COL1A2: variants seen among roughly 807,000 people sequenced by gnomAD.
COL1A2 encodes collagen type I alpha 2 chain.
Under a neutral mutation model 174.3 loss-of-function variants are expected in COL1A2, and 49 were observed. That is an observed-to-expected ratio of 0.28 (90% CI 0.22 to 0.36). The LOEUF (loss-of-function observed/expected upper bound fraction) is 0.36. COL1A2 is among the 10% of genes least tolerant of loss of function. COL1A2 has a pLI of 1.00. For missense variants in COL1A2, 1,438 were observed against 1,822.7 expected (o/e 0.79, Z 3.84); for synonymous variants, 655 against 606.6 (o/e 1.08, Z -1.17).
At chr7:94,424,280 C>T (rs1463335791) in intron 40 of COL1A2, 56 bp from the exon 41 acceptor site, 2 of 1,447,200 alleles carry the variant, frequency 1.4e-6, no homozygotes, top group Admixed American at 1.7e-5. Context: ...TTCAAGCCAA[C>T]CTGTGTTATC....
At chr7:94,422,111 A>C in intron 39 of COL1A2, 159 bp downstream of exon 39, 1 of 568,128 alleles carries the variant, frequency 1.8e-6, no homozygotes. Flanking sequence ...AAGGTATTTC[A>C]TCACAAGTTA....
At chr7:94,417,645 A>C (rs573873592) in intron 31 of COL1A2, 79 bp from the exon 32 acceptor site, 13 of 1,265,134 alleles carry the variant, frequency 1.0e-5, no homozygotes, top group African/African-American at 5.9e-5. Flanking sequence ...TAGCTGTTTA[A>C]ATTGGAATTC....
intron 19 of COL1A2, 119 bp from the exon 20 acceptor site, chr7:94,410,123 A>G (rs1373931524): frequency 2.0e-6 from 2 of 1,019,456 alleles, no homozygotes; most frequent in East Asian, 5.0e-5. Context: ...AACAGGGTAC[A>G]TTTCCTAGAG....
intron 1 of COL1A2, among the ~76,000 whole-genome samples, chr7:94,396,580 T>C (rs557588905): frequency 6.6e-6 from 1 of 152,240 alleles, no homozygotes; most frequent in Non-Finnish European, 1.5e-5. Flanking sequence ...CTGGAATAAA[T>C]GTTATCAAAC....
At chr7:94,426,774 A>G (rs976714541) in intron 46 of COL1A2, 3 of 625,270 alleles carry the variant, frequency 4.8e-6, no homozygotes, top group Non-Finnish European at 8.4e-6. Context: ...CTTCAACCCC[A>G]CTTAAAATAA....
chr7:94,400,706 G>C (rs563089901), intron 5 of COL1A2, among the ~76,000 whole-genome samples: 2 of 152,194 alleles, frequency 1.3e-5, no homozygotes, highest in African/African-American at 4.8e-5. Flanking sequence ...CATTCAAAGC[G>C]GTTTTAGGTT....
chr7:94,416,101 T>C (rs771646269), intron 30 of COL1A2, among the ~76,000 whole-genome samples: 1 of 152,170 alleles, frequency 6.6e-6, no homozygotes, highest in Non-Finnish European at 1.5e-5. Flanking sequence ...TTTTTACCTA[T>C]GGATTTATCA....
Position 94,421,488 on chromosome 7 carries a change from T to C in COL1A2, c.2350-411T>C, listed in dbSNP as rs990145988. On this transcript the variant is annotated intron_variant, in intron 38 of 51. Transcript: ENST00000297268. ...CTGAATTATCTAGGTCATTTGTTAT[T>C]CTTTTGTCCATGAACACCATTACCT... 1.9e-5 allele frequency: 7 copies of C among 361,054 alleles called. No homozygotes were observed. In the Admixed American group the frequency reaches 2.1e-4, roughly 11 times the overall value. 22.4% of individuals were successfully genotyped at this position (361,054 alleles called of 1,614,324 possible).
In COL1A2 at chr7:94,419,106, C is replaced by T. The variant is rs1183542044; in HGVS notation, c.2026-392C>T. On this transcript the variant is annotated intron_variant, in intron 33 of 51. Transcript: ENST00000297268. ...CACAGTCGGCCTGGATTCCTTTATT[C>T]ACCTCTCCTTCAGAGCTGAAAACTG... 2.0e-5 allele frequency among the ~76,000 whole-genome samples: 3 copies of T among 149,212 alleles called. No individual in the cohort carries two copies. The Admixed American group carries it at 2.0e-4, about 10-fold the overall frequency.
rs1484525673 is a variant in COL1A2 at position 94,409,012 on chromosome 7, G to T, written c.792+189G>T. On this transcript the variant is annotated intron_variant, in intron 16 of 51. Coordinates refer to ENST00000297268, the MANE Select transcript of COL1A2 (RefSeq NM_000089.4). ...TTGAAATAGATCATTTCTCTGCACT[G>T]TGCACTGTGCCCATCGATATAGATG... 2.0e-5 allele frequency among the ~76,000 whole-genome samples: 3 copies of T among 152,074 alleles called. No homozygotes were observed. The East Asian group carries it at 5.8e-4, about 29-fold the overall frequency.
intron 10 of COL1A2, 83 bp downstream of exon 10, chr7:94,405,335 A>G: frequency 3.0e-6 from 4 of 1,318,950 alleles, no homozygotes; most frequent in Middle Eastern, 1.8e-4. Context: ...TCTAAATGAC[A>G]ACATAGATGT....
chr7:94,403,800 C>T (rs420257), intron 6 of COL1A2, among the ~76,000 whole-genome samples: 114,833 of 152,026 alleles, frequency 0.76, 44,080 homozygotes, highest in East Asian at 0.9. Context: ...TACACAGGCA[C>T]TGATTACTGC....
At position 94,404,864 on chromosome 7, in the gene COL1A2, C is replaced by T; in HGVS notation, c.404C>T (p.Ala135Val). Residue 135 changes from alanine to valine, a missense_variant, in exon 9 of 52, where the codon GCT (alanine) becomes GTT (valine). By Grantham distance (64) the Ala-to-Val change is moderately conservative. Around this residue, in one of 3 missense-constraint regions of COL1A2, gnomAD observed 281 missense variants for 310.9 expected, o/e 0.90. Transcript: ENST00000297268. ...GGTCCTGCAGGTGCTCGTGGTCCAG[C>T]TGGCCCTCCTGGCAAGGCTGGTGAA... ...QTGPAGARGP[A>V]GPPGKAGEDG... is the part of the protein sequence containing the mutation. 1.2e-6 allele frequency: 2 copies of T among 1,614,096 alleles called. No individual in the cohort carries two copies. The highest frequency in any genetic ancestry group is 1.7e-6 in the Non-Finnish European group (2 of 1,180,004).
chr7:94,396,169 C>G (rs1791578676), intron 1 of COL1A2, among the ~76,000 whole-genome samples: 1 of 152,166 alleles, frequency 6.6e-6, no homozygotes, highest in African/African-American at 2.4e-5. Context: ...CCGTTTTCAT[C>G]TTGAAAATGG....
chr7:94,395,386 G>A (rs955724793), intron 1 of COL1A2, among the ~76,000 whole-genome samples: 2 of 152,192 alleles, frequency 1.3e-5, no homozygotes, highest in Non-Finnish European at 2.9e-5. Context: ...GGGAGCGGAA[G>A]GTCTTTTTCC....
rs774867642 is a variant in COL1A2, at chr7:94,428,514, T to C, written c.3711+37T>C. Reference sequence around the variant, plus strand: ...CACAAACACCTCTCCTTCTGCTAAATAATATTTTGGTAGGACTGTTTGTTA... The same window carrying C: ...CACAAACACCTCTCCTTCTGCTAAACAATATTTTGGTAGGACTGTTTGTTA... On this transcript the variant is annotated intron_variant, in intron 50 of 51. Transcript: ENST00000297268. 3.8e-6 allele frequency: 6 copies of C among 1,579,538 alleles called. No homozygotes were observed. In the African/African-American group the frequency reaches 6.7e-5, roughly 18 times the overall value.
At chr7:94,412,195 A>G in intron 24 of COL1A2, 74 bp downstream of exon 24, 1 of 1,253,166 alleles carries the variant, frequency 8.0e-7, no homozygotes, top group Non-Finnish European at 1.2e-6. Context: ...TTTGTGGCTT[A>G]TTTATACATG....
intron 5 of COL1A2, among the ~76,000 whole-genome samples, chr7:94,400,592 G>A (rs533952002): frequency 6.6e-6 from 1 of 152,186 alleles, no homozygotes; most frequent in East Asian, 1.9e-4. Flanking sequence ...CATTATTAAG[G>A]ATTTTGATTA....
intron 10 of COL1A2, 63 bp from the exon 11 acceptor site, chr7:94,405,610 G>A: frequency 2.1e-6 from 3 of 1,402,890 alleles, no homozygotes; most frequent in Admixed American, 1.7e-5. Context: ...TTGGAGGGAA[G>A]AAGTCACTGT....
Sources: gnomAD v4.1 joint callset for allele counts (sites outside exome capture counted in the v4.1 genomes callset) on GRCh38, gnomAD v4.1.1 for gene constraint, gnomAD v4.1.1 regional missense constraint, MANE v1.5 for transcripts, NCBI Gene and HGNC (gene_info 2026-07-23, HGNC 2026-07-21) for gene names.